Variants in CADM2 observed in about 807,000 individuals in gnomAD.
CADM2 encodes the protein immunoglobulin superfamily member 4D.
A neutral mutation model predicts 49.8 loss-of-function variants in CADM2; 12 were observed. The observed-to-expected ratio is 0.24, with a 90% CI of 0.15 to 0.39. CADM2 has a LOEUF of 0.39. Among genes scored for constraint, CADM2 ranks in the 10% least tolerant of loss-of-function variants. The pLI, the probability that CADM2 is intolerant of heterozygous loss-of-function variation, is 1.00. For missense variants in CADM2, 378 were observed against 492.3 expected (o/e 0.77, Z 2.20); for synonymous variants, 214 against 175.4 (o/e 1.22, Z -1.74).
In CADM2 at chr3:85,013,929, C is replaced by CAGTGTAATAATATTGTATATTATATATAT. The variant is rs1438169563; in HGVS notation, c.61+54261_61+54262insAGTGTAATAATATTGTATATTATATATAT. Among the ~76,000 whole-genome samples, 366 of 123,998 alleles carry CAGTGTAATAATATTGTATATTATATATAT rather than the reference C, an allele frequency of 3.0e-3. 93 individuals are homozygous for CAGTGTAATAATATTGTATATTATATATAT. The highest frequency in any genetic ancestry group is 0.01 in the Middle Eastern group (2 of 198). 81.3% of individuals were successfully genotyped at this position (123,998 alleles called of 152,430 possible). ...TGTCCTCAGTACAATATTATATATA[C>CAGTGTAATAATATTGTATATTATATATAT]GCAGTGTAATAATATTGTATATTAT... On this transcript the variant is annotated intron_variant, in intron 1 of 9. Coordinates refer to ENST00000383699, the MANE Select transcript of CADM2 (RefSeq NM_001167675.2).
chr3:85,527,650 AG>A (rs2061193111), intron 1 of CADM2, among the ~76,000 whole-genome samples: 1 of 151,894 alleles, frequency 6.6e-6, no homozygotes, highest in Non-Finnish European at 1.5e-5. Context: ...CCACTTTTTT[AG>A]TTTCTGATTC....
chr3:86,045,287 C>T (rs986196462), intron 8 of CADM2, among the ~76,000 whole-genome samples: 2 of 152,064 alleles, frequency 1.3e-5, no homozygotes, highest in Non-Finnish European at 2.9e-5. Context: ...CATTGAGCTT[C>T]TGTGCTTTTC....
At chr3:85,691,561 G>C (rs569945108) in intron 1 of CADM2, among the ~76,000 whole-genome samples, 5 of 152,264 alleles carry the variant, frequency 3.3e-5, no homozygotes, top group Admixed American at 3.3e-4. Flanking sequence ...GTGGAAGTCA[G>C]TGTGGCCATT....
At chr3:85,585,705 C>A (rs1246537289) in intron 1 of CADM2, among the ~76,000 whole-genome samples, 1 of 151,922 alleles carries the variant, frequency 6.6e-6, no homozygotes, top group Non-Finnish European at 1.5e-5. Flanking sequence ...GTTCTAAAAG[C>A]TGTTAATTTC....
chr3:85,046,162 A>G (rs1477254329), intron 1 of CADM2, among the ~76,000 whole-genome samples: 1 of 152,126 alleles, frequency 6.6e-6, no homozygotes, highest in Non-Finnish European at 1.5e-5. Flanking sequence ...ACTGCCAGTC[A>G]TAAGTCATAC....
At chr3:85,803,710 G>T (rs967117639) in intron 3 of CADM2, among the ~76,000 whole-genome samples, 4 of 152,012 alleles carry the variant, frequency 2.6e-5, no homozygotes, top group Non-Finnish European at 5.9e-5. Context: ...GAGGACTTCA[G>T]ACTTTCTCAT....
chr3:86,030,268 G>C (rs779290697), intron 8 of CADM2, among the ~76,000 whole-genome samples: 2 of 152,038 alleles, frequency 1.3e-5, no homozygotes, highest in East Asian at 1.9e-4. Flanking sequence ...TCGAGTTTCT[G>C]TTTTAAGGCA....
chr3:85,885,707 T>G (rs1441228059), intron 4 of CADM2, among the ~76,000 whole-genome samples: 1 of 134,866 alleles, frequency 7.4e-6, no homozygotes, highest in African/African-American at 2.7e-5. Context: ...AAAAAATTAG[T>G]CGGGCATGGT....
In CADM2 at chr3:85,703,241, C is replaced by G. The variant is rs545668771; in HGVS notation, c.62-23281C>G. On this transcript the variant is annotated intron_variant, in intron 1 of 9. Transcript: ENST00000383699. ...AGTTCTTCCCTCAAACCCCAAAGAG[C>G]TAAATGCCATTCAGGTGATTAGCAG... Among the ~76,000 whole-genome samples the G allele has an allele frequency of 1.4e-4, 22 of 152,192 alleles. No individual in the cohort carries two copies. In the South Asian group the frequency reaches 4.4e-3, roughly 30 times the overall value.
chr3:85,898,731 T>G (rs1007551885), intron 5 of CADM2, among the ~76,000 whole-genome samples: 3 of 151,648 alleles, frequency 2.0e-5, no homozygotes, highest in Admixed American at 6.6e-5. Flanking sequence ...ACATTCAGGT[T>G]GTTTATAGTT....
chr3:85,528,074 C>T (rs992551096), intron 1 of CADM2, among the ~76,000 whole-genome samples: 4 of 152,144 alleles, frequency 2.6e-5, no homozygotes, highest in South Asian at 2.1e-4. Flanking sequence ...GCCACCATCT[C>T]GCAAGCACAG....
chr3:85,234,772 G>C (rs1230441036), intron 1 of CADM2, among the ~76,000 whole-genome samples: 2 of 152,190 alleles, frequency 1.3e-5, no homozygotes, highest in Non-Finnish European at 2.9e-5. Flanking sequence ...ACTCTCCAGA[G>C]TAGTAGTAGT....
In CADM2 at chr3:85,538,614, G is replaced by A. The variant is rs7624390; in HGVS notation, c.62-187908G>A. Reference sequence around the variant, plus strand: ...TTAAAAGCCATGGTTGGAGGTCAGGGTCAGATGACAGACACTATGTTGTAT... The same window carrying A: ...TTAAAAGCCATGGTTGGAGGTCAGGATCAGATGACAGACACTATGTTGTAT... On this transcript the variant is annotated intron_variant, in intron 1 of 9. Coordinates refer to ENST00000383699, the MANE Select transcript of CADM2 (RefSeq NM_001167675.2). Among the ~76,000 whole-genome samples, 341 of 152,220 alleles carry A rather than the reference G, an allele frequency of 2.2e-3. 2 individuals carry two copies. The highest frequency in any genetic ancestry group is 7.9e-3 in the African/African-American group (328 of 41,544).
chr3:84,969,685 A>C (rs2031278483), intron 1 of CADM2, among the ~76,000 whole-genome samples: 1 of 151,960 alleles, frequency 6.6e-6, no homozygotes, highest in South Asian at 2.1e-4. Flanking sequence ...ATTTATATGT[A>C]ATACACAGGA....
At chr3:85,001,776 G>A (rs2033476768) in intron 1 of CADM2, among the ~76,000 whole-genome samples, 1 of 151,918 alleles carries the variant, frequency 6.6e-6, no homozygotes, top group Non-Finnish European at 1.5e-5. Flanking sequence ...TAATATCTCT[G>A]AGACCTTTGA....
chr3:85,812,189 G>C (rs1437971103), intron 3 of CADM2, among the ~76,000 whole-genome samples: 2 of 152,102 alleles, frequency 1.3e-5, no homozygotes, highest in African/African-American at 4.8e-5. Context: ...CAATCTGCAG[G>C]TAGGTAACTG....
At chr3:85,724,059 G>T (rs1290225286) in intron 1 of CADM2, among the ~76,000 whole-genome samples, 4 of 151,500 alleles carry the variant, frequency 2.6e-5, no homozygotes, top group Non-Finnish European at 5.9e-5. Context: ...AATAAAAAAG[G>T]AAAATAATTT....
chr3:85,162,858 T>C (rs1426035549), intron 1 of CADM2, among the ~76,000 whole-genome samples: 1 of 152,052 alleles, frequency 6.6e-6, no homozygotes, highest in Non-Finnish European at 1.5e-5. Context: ...AATAATACAT[T>C]TGTAATTGTA....
rs546672664 is a variant in CADM2, at chr3:85,939,603, T to C, written c.791+3746T>C. Among the ~76,000 whole-genome samples, 4 of 151,926 alleles carry C rather than the reference T, an allele frequency of 2.6e-5. No homozygotes were observed. The South Asian group carries it at 8.3e-4, about 31-fold the overall frequency. On this transcript the variant is annotated intron_variant, in intron 7 of 9. Coordinates refer to ENST00000383699, the MANE Select transcript of CADM2 (RefSeq NM_001167675.2). ...TGAGTCATCATTCATTTTAATCGAA[T>C]GTGTAAGGCTGTTTAAATTCACCTC...
Sources: allele counts gnomAD v4.1 joint callset (sites outside exome capture counted in the v4.1 genomes callset), GRCh38; gene constraint gnomAD v4.1.1; transcripts MANE v1.5; gene names NCBI Gene and HGNC (gene_info 2026-07-23, HGNC 2026-07-21).